Variants in NELL1 observed in about 807,000 individuals in gnomAD.
NELL1 encodes the protein protein kinase C-binding protein NELL1.
Under a neutral mutation model 107.4 loss-of-function variants are expected in NELL1, and 76 were observed. That is an observed-to-expected ratio of 0.71 (90% CI 0.59 to 0.86). The LOEUF (loss-of-function observed/expected upper bound fraction) is 0.86. NELL1 is among the 40% of genes least tolerant of loss of function. The pLI, the probability that NELL1 is intolerant of heterozygous loss-of-function variation, is 0.00. For missense variants in NELL1, 1,024 were observed against 1,005.5 expected (o/e 1.02, Z -0.25); for synonymous variants, 353 against 341.2 (o/e 1.03, Z -0.38).
chr11:21,058,498 A>T (rs1853663403), intron 12 of NELL1, among the ~76,000 whole-genome samples: 1 of 152,062 alleles, frequency 6.6e-6, no homozygotes, highest in Non-Finnish European at 1.5e-5. Context: ...GTGCATTTAG[A>T]TGTATTATGG....
intron 10 of NELL1, among the ~76,000 whole-genome samples, chr11:20,944,146 G>A: frequency 6.6e-6 from 1 of 152,112 alleles, no homozygotes; most frequent in South Asian, 2.1e-4. Context: ...ATCCTTGGGA[G>A]GACTAAGGAA....
chr11:21,459,922 G>C (rs569537692), intron 15 of NELL1, among the ~76,000 whole-genome samples: 4 of 152,164 alleles, frequency 2.6e-5, no homozygotes, highest in African/African-American at 7.2e-5. Context: ...GGAGTATAGA[G>C]AGAAGGATTT....
intron 3 of NELL1, among the ~76,000 whole-genome samples, chr11:20,835,694 A>G (rs937216687): frequency 2.0e-5 from 3 of 152,212 alleles, no homozygotes; most frequent in Admixed American, 6.5e-5. Context: ...TTTTCTTCCT[A>G]AAAAATGATG....
chr11:21,215,986 C>G (rs980759791), intron 13 of NELL1, among the ~76,000 whole-genome samples: 1 of 152,122 alleles, frequency 6.6e-6, no homozygotes, highest in Non-Finnish European at 1.5e-5. Flanking sequence ...GCAACCCCTC[C>G]TATCACAGAG....
chr11:21,339,174 G>A (rs965864973), intron 14 of NELL1, among the ~76,000 whole-genome samples: 3 of 152,198 alleles, frequency 2.0e-5, no homozygotes, highest in African/African-American at 7.2e-5. Context: ...AACTGCAGAT[G>A]TAATTAAGTT....
chr11:20,815,097 C>A (rs1181644765), intron 3 of NELL1, among the ~76,000 whole-genome samples: 2 of 152,100 alleles, frequency 1.3e-5, no homozygotes, highest in African/African-American at 4.8e-5. Context: ...CAAAGTCTCT[C>A]TCTGTCGCCC....
At chr11:21,540,599 G>A (rs1432905193) in intron 16 of NELL1, among the ~76,000 whole-genome samples, 1 of 152,062 alleles carries the variant, frequency 6.6e-6, no homozygotes, top group Non-Finnish European at 1.5e-5. Flanking sequence ...TTACAATCAT[G>A]GGGGAAGGTA....
chr11:21,281,827 C>T (rs899142878), intron 14 of NELL1, among the ~76,000 whole-genome samples: 7 of 152,128 alleles, frequency 4.6e-5, no homozygotes, highest in Non-Finnish European at 7.4e-5. Flanking sequence ...GCCTATCTCT[C>T]GTCATATACA....
chr11:21,219,537 C>T (rs372058204), intron 13 of NELL1, among the ~76,000 whole-genome samples: 1 of 152,150 alleles, frequency 6.6e-6, no homozygotes, highest in Non-Finnish European at 1.5e-5. Context: ...AAGTCTTACC[C>T]TAAAATCTCT....
intron 14 of NELL1, among the ~76,000 whole-genome samples, chr11:21,333,626 C>A (rs1346205523): frequency 6.6e-6 from 1 of 152,012 alleles, no homozygotes; most frequent in Non-Finnish European, 1.5e-5. Context: ...TTTACTGTCA[C>A]CATGGGTTGT....
At chr11:20,802,983 G>A (rs954003379) in intron 3 of NELL1, among the ~76,000 whole-genome samples, 3 of 151,972 alleles carry the variant, frequency 2.0e-5, no homozygotes, top group African/African-American at 7.3e-5. Flanking sequence ...ATTTTGTTGA[G>A]GATTTTTTGC....
chr11:21,100,369 A>T (rs1854775149), intron 12 of NELL1, among the ~76,000 whole-genome samples: 1 of 152,130 alleles, frequency 6.6e-6, no homozygotes, highest in Admixed American at 6.5e-5. Context: ...TTACATTCAC[A>T]ATGTTGTGCA....
chr11:21,155,627 GTA>G (rs1245616823), intron 13 of NELL1, among the ~76,000 whole-genome samples: 3 of 152,124 alleles, frequency 2.0e-5, no homozygotes, highest in Middle Eastern at 3.2e-3. Context: ...CCTTGGTTTG[GTA>G]TTTAGGAGTG....
rs149751887 is a variant in NELL1 at position 21,216,633 on chromosome 11, G to A, written c.1427-12699G>A. On this transcript the variant is annotated intron_variant, in intron 13 of 19. Coordinates refer to ENST00000357134, the MANE Select transcript of NELL1 (RefSeq NM_006157.5). ...CATTTTGGAACTTAAAGGTTTTAAT[G>A]ACTGCCCTATTGGATTTTGGACTTG... is the stretch of plus-strand genomic sequence containing the variant. Among the ~76,000 whole-genome samples, 521 of 152,284 alleles carry A rather than the reference G, an allele frequency of 3.4e-3. 3 individuals carry two copies. Among genetic ancestry groups the A allele is most frequent in the African/African-American group, 0.012 (495 of 41,562 alleles).
intron 5 of NELL1, among the ~76,000 whole-genome samples, chr11:20,895,038 G>A (rs1238770093): frequency 7.0e-6 from 1 of 142,980 alleles, no homozygotes; most frequent in Non-Finnish European, 1.5e-5. Flanking sequence ...TTGGGAGGCC[G>A]AGGCGGGCGG....
chr11:20,910,698 G>C (rs1312095203), intron 5 of NELL1, among the ~76,000 whole-genome samples: 1 of 152,160 alleles, frequency 6.6e-6, no homozygotes, highest in Non-Finnish European at 1.5e-5. Context: ...GTTCATCATT[G>C]GTCTTTCTAG....
chr11:21,256,216 T>C (rs10833483), intron 14 of NELL1, among the ~76,000 whole-genome samples: 45,704 of 151,962 alleles, frequency 0.3, 8,111 homozygotes, highest in Middle Eastern at 0.43. Flanking sequence ...CTATATGATA[T>C]GTAATTTTTA....
intron 2 of NELL1, among the ~76,000 whole-genome samples, chr11:20,720,525 T>A (rs34998878): frequency 0.17 from 25,439 of 151,756 alleles, 2,381 homozygotes; most frequent in East Asian, 0.34. Context: ...GTTCTTATCT[T>A]GTATTAGTTT....
At chr11:21,215,263 T>TTACA (rs1857588875) in intron 13 of NELL1, among the ~76,000 whole-genome samples, 1 of 152,172 alleles carries the variant, frequency 6.6e-6, no homozygotes, top group Non-Finnish European at 1.5e-5. Context: ...AAGGACATGT[T>TTACA]TGCTTCTTCT....
Sources: allele counts gnomAD v4.1 joint callset (sites outside exome capture counted in the v4.1 genomes callset), GRCh38; gene constraint gnomAD v4.1.1; transcripts MANE v1.5; gene names NCBI Gene and HGNC (gene_info 2026-07-23, HGNC 2026-07-21).